PRH1: variants seen among roughly 807,000 people sequenced by gnomAD.
PRH1 encodes proline rich protein HaeIII subfamily 1.
In PRH1, 7 loss-of-function variants were observed where a neutral mutation model predicts 7.9. That is an observed-to-expected ratio of 0.89 (90% CI 0.50 to 1.67). The LOEUF (loss-of-function observed/expected upper bound fraction) is 1.67, where lower values mean the gene tolerates loss of function less well. Ranked by LOEUF, PRH1 falls within the 40% of genes most tolerant of loss-of-function variation. The probability of loss-of-function intolerance (pLI) is 0.00; values close to 1 mark genes in which losing one functional copy is unlikely to be tolerated. For synonymous variants in PRH1, 45 were observed against 80.8 expected (o/e 0.56, Z 2.38); for missense variants, 109 against 223.6 (o/e 0.49, Z 3.27).
chr12:10,966,421 T>C (rs10845252), intron 2 of PRH1, among the ~76,000 whole-genome samples: 36,986 of 152,094 alleles, frequency 0.24, 4,553 homozygotes, highest in Non-Finnish European at 0.25. Context: ...GGTTTCCACA[T>C]TGGAGTTTCT....
At chr12:11,066,202 T>C (rs1344778450) in intron 1 of PRH1, among the ~76,000 whole-genome samples, 2 of 150,544 alleles carry the variant, frequency 1.3e-5, no homozygotes, top group African/African-American at 4.8e-5. Context: ...TCCGTGAGTA[T>C]AGTTTTGTTT....
chr12:10,888,194 C>A (rs1363947028), upstream of PRH1, among the ~76,000 whole-genome samples: 1 of 152,152 alleles, frequency 6.6e-6, no homozygotes, highest in Non-Finnish European at 1.5e-5. Context: ...CAGTTAATGA[C>A]CTTATGGTTA....
chr12:10,908,675 A>T, intron 2 of PRH1: 1 of 1,613,920 alleles, frequency 6.2e-7, no homozygotes. Context: ...TTTTCTGGAG[A>T]TGTTTCTGCA....
intron 1 of PRH1, among the ~76,000 whole-genome samples, chr12:10,883,475 C>A (rs143492794): frequency 2.0e-5 from 3 of 151,934 alleles, no homozygotes; most frequent in Admixed American, 1.3e-4. Flanking sequence ...AAACCCTTAG[C>A]GCTTATTTAG....
At chr12:10,967,243 A>T (rs1248240218) in intron 2 of PRH1, among the ~76,000 whole-genome samples, 2 of 152,054 alleles carry the variant, frequency 1.3e-5, no homozygotes, top group Admixed American at 6.5e-5. Flanking sequence ...TTAGAGTTGT[A>T]TGTAAAGATA....
intron 2 of PRH1, among the ~76,000 whole-genome samples, chr12:10,925,175 C>T (rs575219427): frequency 6.6e-6 from 1 of 152,318 alleles, no homozygotes; most frequent in South Asian, 2.1e-4. Flanking sequence ...TTTGCTCCAA[C>T]CTCACCCTTT....
chr12:10,929,178 AGCTCAAAT>A, intron 2 of PRH1: 2 of 1,540,220 alleles, frequency 1.3e-6, no homozygotes, highest in Non-Finnish European at 9.0e-7. Flanking sequence ...CCTGGTAGGG[AGCTCAAAT>A]GCGCCATTGT....
intron 1 of PRH1, among the ~76,000 whole-genome samples, chr12:11,072,002 C>T (rs1402121104): frequency 1.3e-5 from 2 of 152,014 alleles, no homozygotes; most frequent in East Asian, 1.9e-4. Context: ...TTGAACCAGG[C>T]CTCACTCTTT....
chr12:11,152,755 T>C (rs1947137921), intron 1 of PRH1, among the ~76,000 whole-genome samples: 1 of 152,194 alleles, frequency 6.6e-6, no homozygotes, highest in Non-Finnish European at 1.5e-5. Context: ...TGTCTGTGAA[T>C]TGCTTTAGAA....
At chr12:10,986,526 T>C (rs755417530) in intron 1 of PRH1, 19 of 1,613,950 alleles carry the variant, frequency 1.2e-5, no homozygotes, top group Admixed American at 1.2e-4. Context: ...GTTGGAGAAA[T>C]TGGCAATCTT....
At chr12:10,974,985 C>T (rs1939017932) in intron 1 of PRH1, among the ~76,000 whole-genome samples, 1 of 152,048 alleles carries the variant, frequency 6.6e-6, no homozygotes, top group African/African-American at 2.4e-5. Context: ...AAACTAACAT[C>T]AAGAATTTCA....
At chr12:11,006,371 C>CTTTTTTT (rs199571634) in intron 1 of PRH1, 6 of 123,208 alleles carry the variant, frequency 4.9e-5, no homozygotes, top group Non-Finnish European at 6.8e-5. Context: ...TTCTCCTTTT[C>CTTTTTTT]TTTTTTTTTT....
chr12:11,025,841 CAG>C (rs1941883628), intron 1 of PRH1, among the ~76,000 whole-genome samples: 1 of 150,996 alleles, frequency 6.6e-6, no homozygotes, highest in Non-Finnish European at 1.5e-5. Context: ...TTCATTTTTT[CAG>C]TCTTATTGTT....
At chr12:10,901,064 T>C (rs2135809318) in intron 2 of PRH1, among the ~76,000 whole-genome samples, 1 of 152,304 alleles carries the variant, frequency 6.6e-6, no homozygotes, top group South Asian at 2.1e-4. Context: ...CTCTGCTGCA[T>C]ACCCTAGCAT....
intron 2 of PRH1, among the ~76,000 whole-genome samples, chr12:10,892,733 C>T (rs1949592731): frequency 6.6e-6 from 1 of 152,098 alleles, no homozygotes; most frequent in Non-Finnish European, 1.5e-5. Context: ...TCACAGTACC[C>T]TATAAACAAG....
chr12:10,950,777 G>C (rs1322265234), intron 2 of PRH1, among the ~76,000 whole-genome samples: 1 of 151,754 alleles, frequency 6.6e-6, no homozygotes, highest in East Asian at 1.9e-4. Flanking sequence ...CATTAAAAAA[G>C]TGTTAAAATA....
At chr12:11,078,648 T>G (rs1369712416) in intron 1 of PRH1, 1 of 152,130 alleles carries the variant, frequency 6.6e-6, no homozygotes, top group Non-Finnish European at 1.5e-5. Flanking sequence ...TCCAGCATCT[T>G]CAGTTGTTTC....
rs765916131 is a variant in PRH1 at position 11,105,936 on chromosome 12, CTTTTTTTTTTTT to C, written n.124-58760_124-58749del. Among the ~76,000 whole-genome samples the C allele has an allele frequency of 8.5e-4, 81 of 94,954 alleles. 15 individuals are homozygous for C. The highest frequency in any genetic ancestry group is 2.9e-3 in the African/African-American group (79 of 26,890). The allele number at this position is 94,954 out of a possible 152,430, so 62.3% of individuals were successfully genotyped here. A position where few individuals can be genotyped will look rare whatever the true frequency, so the allele number is the denominator to read the frequency against. ...TCCTAATACTTTTGAATAACTTATT[CTTTTTTTTTTTT>C]TTTTTTTTTTGAGACGGAGTCTCAC... On this transcript the variant is annotated intron_variant and non_coding_transcript_variant, in intron 1 of 4. Coordinates refer to the PRH1 transcript ENST00000541977.
At chr12:10,987,718 C>T (rs2135986005) in intron 1 of PRH1, among the ~76,000 whole-genome samples, 2 of 152,108 alleles carry the variant, frequency 1.3e-5, no homozygotes, top group South Asian at 2.1e-4. Context: ...ATGTATCAAA[C>T]ATCAAACATA....
Sources: allele counts gnomAD v4.1 joint callset (sites outside exome capture counted in the v4.1 genomes callset), GRCh38; gene constraint gnomAD v4.1.1; transcripts MANE v1.5; gene names NCBI Gene and HGNC (gene_info 2026-07-23, HGNC 2026-07-21).